DZANK1: variants seen among roughly 807,000 people sequenced by gnomAD.
DZANK1 encodes the protein double zinc ribbon and ankyrin repeat domains 1, also known as double zinc ribbon and ankyrin repeat-containing protein 1.
A neutral mutation model predicts 94.5 loss-of-function variants in DZANK1; 91 were observed. The observed-to-expected ratio is 0.96, with a 90% CI of 0.81 to 1.15. DZANK1 has a LOEUF of 1.15. Ranked by LOEUF, DZANK1 falls within the 50% of genes most tolerant of loss-of-function variation. The probability of loss-of-function intolerance (pLI) is 0.00; values close to 1 mark genes in which losing one functional copy is unlikely to be tolerated. For missense variants in DZANK1, 903 were observed against 916.4 expected, an observed-to-expected ratio of 0.99 and a Z score of 0.19; for synonymous variants, 312 against 325.3, an observed-to-expected ratio of 0.96 and a Z score of 0.44.
At chr20:18,405,155 T>C (rs1264637775) in intron 13 of DZANK1, among the ~76,000 whole-genome samples, 1 of 144,200 alleles carries the variant, frequency 6.9e-6, no homozygotes, top group African/African-American at 2.6e-5. Context: ...GTGATTTGTA[T>C]CATTGCACTC....
intron 7 of DZANK1, among the ~76,000 whole-genome samples, chr20:18,446,001 G>C (rs919727377): frequency 2.0e-5 from 3 of 150,734 alleles, no homozygotes; most frequent in African/African-American, 7.3e-5. Flanking sequence ...CTGGCCTCAA[G>C]TGATCCTCCC....
At chr20:18,397,847 C>A (rs992316694) in intron 14 of DZANK1, among the ~76,000 whole-genome samples, 1 of 152,148 alleles carries the variant, frequency 6.6e-6, no homozygotes, top group Non-Finnish European at 1.5e-5. Flanking sequence ...CTTCTCATAG[C>A]AGGGTGGCTG....
At chr20:18,397,228 C>A (rs1390446500) in intron 14 of DZANK1, among the ~76,000 whole-genome samples, 1 of 152,164 alleles carries the variant, frequency 6.6e-6, no homozygotes, top group Non-Finnish European at 1.5e-5. Flanking sequence ...TGAAGAAATT[C>A]ATAAACTACC....
intron 13 of DZANK1, among the ~76,000 whole-genome samples, chr20:18,406,816 C>T (rs1171213551): frequency 6.6e-6 from 1 of 152,168 alleles, no homozygotes; most frequent in Non-Finnish European, 1.5e-5. Flanking sequence ...GGGGAGCCCA[C>T]TGCCCTGAAG....
rs376039405 is a variant in DZANK1, at chr20:18,385,099, G to T, written c.2019-9C>A. The T allele has an allele frequency of 1.3e-6, 2 of 1,552,160 alleles. No individual in the cohort carries two copies. Among genetic ancestry groups the T allele is most frequent in the South Asian group, 1.2e-5 (1 of 84,062 alleles). ...GAGCTGTATTTCTGAGCCTAATGAGGGGGGAAAAATCCTGGATAAATCCTT... is the reference window on the plus strand; with the variant it reads ...GAGCTGTATTTCTGAGCCTAATGAGTGGGGAAAAATCCTGGATAAATCCTT... On this transcript the variant is annotated splice_polypyrimidine_tract_variant and intron_variant, in intron 19 of 20. Coordinates refer to ENST00000262547, the Ensembl canonical transcript of DZANK1.
intron 3 of DZANK1, among the ~76,000 whole-genome samples, chr20:18,459,845 C>G (rs965071828): frequency 2.6e-5 from 4 of 152,092 alleles, no homozygotes; most frequent in Non-Finnish European, 5.9e-5. Flanking sequence ...CAAGATGGAG[C>G]TCTTTAGAGA....
intron 8 of DZANK1, among the ~76,000 whole-genome samples, chr20:18,434,547 A>G (rs977343112): frequency 7.3e-6 from 1 of 137,680 alleles, no homozygotes; most frequent in African/African-American, 2.7e-5. Flanking sequence ...CTCCTGCTCA[A>G]AAAAAAAAAA....
chr20:18,394,585 G>A (rs769871446), intron 15 of DZANK1: 3 of 679,016 alleles, frequency 4.4e-6, no homozygotes, highest in South Asian at 1.4e-5. Context: ...CCTCCCTGAA[G>A]CCCCAGCCCC....
At chr20:18,418,156 G>C (rs2057588084) in intron 10 of DZANK1, among the ~76,000 whole-genome samples, 1 of 152,036 alleles carries the variant, frequency 6.6e-6, no homozygotes, top group Non-Finnish European at 1.5e-5. Context: ...GTTGCAGCAA[G>C]TACATACAAG....
At chr20:18,436,329 A>G (rs901691352) in intron 8 of DZANK1, among the ~76,000 whole-genome samples, 1 of 150,766 alleles carries the variant, frequency 6.6e-6, no homozygotes, top group Non-Finnish European at 1.5e-5. Context: ...CTGTAGTCCC[A>G]GCTACTTGGG....
chr20:18,406,260 GGCAGT>G (rs1238942452), intron 13 of DZANK1, among the ~76,000 whole-genome samples: 2 of 152,236 alleles, frequency 1.3e-5, no homozygotes, highest in Admixed American at 1.3e-4. Context: ...TCCAACTCCA[GGCAGT>G]GCAGCTCATG....
At chr20:18,421,961 T>A (rs527357977) in intron 10 of DZANK1, among the ~76,000 whole-genome samples, 1 of 152,358 alleles carries the variant, frequency 6.6e-6, no homozygotes, top group African/African-American at 2.4e-5. Flanking sequence ...TGGATATTAA[T>A]CCCTTATCAG....
intron 19 of DZANK1, among the ~76,000 whole-genome samples, chr20:18,387,079 G>A (rs1020166947): frequency 3.9e-5 from 6 of 152,154 alleles, no homozygotes; most frequent in Non-Finnish European, 8.8e-5. Context: ...CTCACTGGTG[G>A]CATAGAGCTT....
chr20:18,451,854 C>T (rs557976735), intron 6 of DZANK1: 1 of 518,258 alleles, frequency 1.9e-6, no homozygotes, highest in African/African-American at 1.9e-5. Context: ...CATTTCTCAC[C>T]TGGAACAAAA....
rs41276438 is a variant in DZANK1, at chr20:18,452,738, G to A, written c.476-56C>T. ...GGTCAGTTCTTTCACCTACCTGGAC[G>A]TCTACAATGATATTAAAAACATTAT... On this transcript the variant is annotated intron_variant, in intron 5 of 20. Transcript: ENST00000262547. The A allele has an allele frequency of 2.8e-3, 4,451 of 1,563,784 alleles. 103 individuals are homozygous for A. The African/African-American group carries it at 0.054, about 19-fold the overall frequency.
chr20:18,429,725 G>A (rs75759678), intron 9 of DZANK1, among the ~76,000 whole-genome samples: 165 of 152,288 alleles, frequency 1.1e-3, no homozygotes, highest in African/African-American at 3.6e-3. Flanking sequence ...ACTGCGTCAG[G>A]TCTATTAAAC....
chr20:18,448,015 A>G (rs1391199132), intron 7 of DZANK1, among the ~76,000 whole-genome samples: 1 of 152,198 alleles, frequency 6.6e-6, no homozygotes, highest in Non-Finnish European at 1.5e-5. Flanking sequence ...AATTTTTATC[A>G]ATTTATTTAT....
chr20:18,410,388 C>A lies in DZANK1; in HGVS notation c.1432+2258G>T, dbSNP rs775190646. Among the ~76,000 whole-genome samples the A allele has an allele frequency of 2.0e-4, 31 of 152,084 alleles. 1 individual carries two copies. In the South Asian group the frequency reaches 4.4e-3, roughly 21 times the overall value. Reference sequence around the variant, plus strand: ...AGTCTGTTAAGATGTATGAGGAAAACCCTATAGTAACCACTAAGGAAATAA... The same window carrying A: ...AGTCTGTTAAGATGTATGAGGAAAAACCTATAGTAACCACTAAGGAAATAA... On this transcript the variant is annotated intron_variant, in intron 13 of 20. Coordinates refer to ENST00000262547, the Ensembl canonical transcript of DZANK1.
chr20:18,392,015 G>C (rs1386633332), intron 17 of DZANK1, among the ~76,000 whole-genome samples: 2 of 152,186 alleles, frequency 1.3e-5, no homozygotes, highest in African/African-American at 4.8e-5. Flanking sequence ...CTTTTGTTTA[G>C]GTTTTATTTT....
Sources: gnomAD v4.1 joint callset for allele counts (sites outside exome capture counted in the v4.1 genomes callset) on GRCh38, gnomAD v4.1.1 for gene constraint, MANE v1.5 for transcripts, NCBI Gene and HGNC (gene_info 2026-07-23, HGNC 2026-07-21) for gene names.